The following LRP1B variants were observed in gnomAD, a reference collection of about 807,000 sequenced individuals.
The protein encoded by LRP1B is LDL receptor related protein 1B, also known as low-density lipoprotein receptor-related protein 1B.
A neutral mutation model predicts 556.6 loss-of-function variants in LRP1B; 217 were observed. That is an observed-to-expected ratio of 0.39 (90% CI 0.35 to 0.44). The LOEUF (loss-of-function observed/expected upper bound fraction) is 0.44, where lower values mean the gene tolerates loss of function less well. Among genes scored for constraint, LRP1B ranks in the 20% least tolerant of loss-of-function variants. LRP1B has a pLI of 1.00. For synonymous variants in LRP1B, 2,047 were observed against 1,865.8 expected (o/e 1.10, Z -2.50); for missense variants, 5,053 against 5,620.8 (o/e 0.90, Z 3.23).
At chr2:141,121,690 A>C (rs935350106) in intron 7 of LRP1B, among the ~76,000 whole-genome samples, 5 of 152,190 alleles carry the variant, frequency 3.3e-5, no homozygotes, top group African/African-American at 7.2e-5. Flanking sequence ...TAATTTATAG[A>C]TTCAATGCCA....
chr2:141,425,369 G>A (rs1314550910), intron 3 of LRP1B, among the ~76,000 whole-genome samples: 4 of 148,218 alleles, frequency 2.7e-5, no homozygotes, highest in Admixed American at 6.8e-5. Context: ...GAATAGTGCT[G>A]CAATAAACAT....
chr2:141,510,089 T>A (rs2105149641), intron 2 of LRP1B, among the ~76,000 whole-genome samples: 1 of 152,070 alleles, frequency 6.6e-6, no homozygotes, highest in East Asian at 1.9e-4. Flanking sequence ...TCATTTCTAT[T>A]AACTTCTTAA....
At chr2:142,116,730 T>C (rs187476535) in intron 1 of LRP1B, among the ~76,000 whole-genome samples, 6 of 152,296 alleles carry the variant, frequency 3.9e-5, no homozygotes, top group African/African-American at 1.4e-4. Context: ...AAGTCTAAAA[T>C]TATATCAAAA....
intron 35 of LRP1B, among the ~76,000 whole-genome samples, chr2:140,761,726 A>C (rs973296963): frequency 6.6e-6 from 1 of 152,112 alleles, no homozygotes; most frequent in African/African-American, 2.4e-5. Context: ...AATCCTCCCT[A>C]ACTGAGCCTT....
At chr2:141,743,486 C>CTTTTTTTTTTTTTTTT (rs765968445) in intron 2 of LRP1B, among the ~76,000 whole-genome samples, 3 of 108,034 alleles carry the variant, frequency 2.8e-5, no homozygotes, top group African/African-American at 3.9e-5. Context: ...CTGCTTTTTT[C>CTTTTTTTTTTTTTTTT]TTTTTTTTTT....
At chr2:140,416,273 G>C (rs1573912223) in intron 66 of LRP1B, among the ~76,000 whole-genome samples, 1 of 152,174 alleles carries the variant, frequency 6.6e-6, no homozygotes, top group Admixed American at 6.5e-5. Flanking sequence ...TTGAGGTGGA[G>C]ATGAGGATGA....
Position 140,841,108 on chromosome 2 carries a change from GAGA to G in LRP1B, c.4940-19_4940-17del. ...CTCTGAATATCTATAAAACAGGAAA[GAGA>G]AGATTTAAAGGTGAATGAAGTTTTT... is the stretch of plus-strand genomic sequence containing the variant. On this transcript the variant is annotated splice_polypyrimidine_tract_variant and intron_variant, in intron 29 of 90. Coordinates refer to ENST00000389484, the MANE Select transcript of LRP1B (RefSeq NM_018557.3). The G allele has an allele frequency of 6.4e-7, 1 of 1,568,306 alleles. No individual in the cohort carries two copies. Among genetic ancestry groups the G allele is most frequent in the Non-Finnish European group, 8.7e-7 (1 of 1,152,280 alleles).
At chr2:140,995,577 T>C (rs1697220654) in intron 15 of LRP1B, among the ~76,000 whole-genome samples, 1 of 152,114 alleles carries the variant, frequency 6.6e-6, no homozygotes, top group East Asian at 1.9e-4. Context: ...CTATAAGGCA[T>C]ATATGGCAAA....
At chr2:140,404,146 G>A (rs1475120433) in intron 66 of LRP1B, among the ~76,000 whole-genome samples, 1 of 149,666 alleles carries the variant, frequency 6.7e-6, no homozygotes, top group African/African-American at 2.5e-5. Flanking sequence ...ACAAAAGCTG[G>A]ATCTGTACCA....
At chr2:141,365,095 C>T (rs560309910) in intron 3 of LRP1B, among the ~76,000 whole-genome samples, 1 of 152,238 alleles carries the variant, frequency 6.6e-6, no homozygotes, top group Non-Finnish European at 1.5e-5. Flanking sequence ...CATATGTAAA[C>T]CCATGTAATA....
chr2:141,200,122 C>T (rs557263144), intron 6 of LRP1B, among the ~76,000 whole-genome samples: 7 of 152,196 alleles, frequency 4.6e-5, no homozygotes, highest in Admixed American at 2.6e-4. Flanking sequence ...GACACATGCA[C>T]GTATATGTTA....
intron 58 of LRP1B, among the ~76,000 whole-genome samples, chr2:140,486,565 A>T (rs1688481221): frequency 6.6e-6 from 1 of 151,918 alleles, no homozygotes; most frequent in Non-Finnish European, 1.5e-5. Context: ...AGTAGAGAAT[A>T]TGCTTTCAAA....
At chr2:140,623,197 CTG>C (rs988823225) in intron 41 of LRP1B, among the ~76,000 whole-genome samples, 13 of 152,186 alleles carry the variant, frequency 8.5e-5, no homozygotes, top group Admixed American at 7.9e-4. Flanking sequence ...CTAGACAGTC[CTG>C]TGTTTCACTA....
intron 3 of LRP1B, among the ~76,000 whole-genome samples, chr2:141,469,507 T>A (rs1157535514): frequency 6.7e-6 from 1 of 148,344 alleles, no homozygotes; most frequent in African/African-American, 2.5e-5. Context: ...CATTTTATTA[T>A]GGCTCATGGA....
intron 41 of LRP1B, among the ~76,000 whole-genome samples, chr2:140,623,211 C>T (rs1177325097): frequency 6.6e-6 from 1 of 151,792 alleles, no homozygotes; most frequent in Non-Finnish European, 1.5e-5. Flanking sequence ...GTTTCACTAA[C>T]TTGAATTTTG....
intron 2 of LRP1B, among the ~76,000 whole-genome samples, chr2:141,587,577 T>C (rs62166488): frequency 0.043 from 6,496 of 152,256 alleles, 204 homozygotes; most frequent in Non-Finnish European, 0.067. Flanking sequence ...CTGTGAATAA[T>C]ATGCAAAATT....
At chr2:141,970,203 C>A (rs1362697943) in intron 1 of LRP1B, among the ~76,000 whole-genome samples, 1 of 151,534 alleles carries the variant, frequency 6.6e-6, no homozygotes, top group Non-Finnish European at 1.5e-5. Flanking sequence ...ATCTGGCTTG[C>A]AAATATTTTT....
intron 3 of LRP1B, among the ~76,000 whole-genome samples, chr2:141,428,255 G>C (rs555053326): frequency 6.6e-6 from 1 of 152,108 alleles, no homozygotes; most frequent in Admixed American, 6.5e-5. Context: ...AGTGATTCCT[G>C]CAGTATGACT....
At chr2:140,836,595 G>A (rs1349223159) in intron 31 of LRP1B, among the ~76,000 whole-genome samples, 1 of 152,122 alleles carries the variant, frequency 6.6e-6, no homozygotes, top group African/African-American at 2.4e-5. Context: ...TACGAACATT[G>A]CTCATGGTAG....
Sources: gnomAD v4.1 joint callset for allele counts (sites outside exome capture counted in the v4.1 genomes callset) on GRCh38, gnomAD v4.1.1 for gene constraint, MANE v1.5 for transcripts, NCBI Gene and HGNC (gene_info 2026-07-23, HGNC 2026-07-21) for gene names.